Variants in GALNT17 observed in about 807,000 individuals in gnomAD.
GALNT17 encodes UDP-GalNAc:polypeptide N-acetylgalactosaminyltransferase-like 3.
A neutral mutation model predicts 63.7 loss-of-function variants in GALNT17; 29 were observed. That is an observed-to-expected ratio of 0.46 (90% confidence interval 0.34 to 0.62). GALNT17 has a LOEUF of 0.62. Among genes scored for constraint, GALNT17 ranks in the 20% least tolerant of loss-of-function variants. GALNT17 has a pLI of 0.01. For missense variants in GALNT17, 603 were observed against 799.6 expected (o/e 0.75, Z 2.97); for synonymous variants, 305 against 318.3 (o/e 0.96, Z 0.45).
At chr7:71,180,979 G>C (rs1328111870) in intron 1 of GALNT17, among the ~76,000 whole-genome samples, 1 of 152,206 alleles carries the variant, frequency 6.6e-6, no homozygotes, top group Admixed American at 6.5e-5. Context: ...GCCAGGCCAG[G>C]TGCGGTGGCT....
chr7:71,586,970 G>C (rs1044682413), intron 6 of GALNT17, among the ~76,000 whole-genome samples: 1 of 151,954 alleles, frequency 6.6e-6, no homozygotes, highest in East Asian at 1.9e-4. Context: ...CTATCCAACT[G>C]TATGTTTGTA....
At chr7:71,334,248 C>G (rs1025361262) in intron 1 of GALNT17, among the ~76,000 whole-genome samples, 2 of 152,180 alleles carry the variant, frequency 1.3e-5, no homozygotes, top group African/African-American at 4.8e-5. Flanking sequence ...AGCTTTGCCA[C>G]TAGGTGATGG....
At chr7:71,366,473 C>T (rs183804686) in intron 2 of GALNT17, among the ~76,000 whole-genome samples, 6 of 152,118 alleles carry the variant, frequency 3.9e-5, no homozygotes, top group East Asian at 1.9e-4. Context: ...CCCAGTTACT[C>T]GGGAGGCTGA....
At chr7:71,377,112 AAAATATATAT>A (rs1422532362) in intron 2 of GALNT17, among the ~76,000 whole-genome samples, 3 of 57,236 alleles carry the variant, frequency 5.2e-5, no homozygotes, top group South Asian at 4.3e-4. Context: ...AAAAATAAAA[AAAATATATAT>A]ATATATATAT....
At chr7:71,503,234 G>T (rs1203087895) in intron 5 of GALNT17, among the ~76,000 whole-genome samples, 3 of 152,090 alleles carry the variant, frequency 2.0e-5, no homozygotes, top group Non-Finnish European at 4.4e-5. Context: ...TTCTATGCAT[G>T]AGTCATAATT....
intron 2 of GALNT17, among the ~76,000 whole-genome samples, chr7:71,378,106 A>G (rs1040757706): frequency 6.6e-6 from 1 of 152,222 alleles, no homozygotes; most frequent in Non-Finnish European, 1.5e-5. Flanking sequence ...ACATTGCCCC[A>G]ATATGACTAA....
At chr7:71,390,377 T>C (rs892526116) in intron 3 of GALNT17, among the ~76,000 whole-genome samples, 2 of 152,204 alleles carry the variant, frequency 1.3e-5, no homozygotes, top group Non-Finnish European at 2.9e-5. Flanking sequence ...TGGGTGCACC[T>C]GGGCCCAGTG....
chr7:71,647,563 A>T (rs1223835316), intron 6 of GALNT17, among the ~76,000 whole-genome samples: 1 of 152,204 alleles, frequency 6.6e-6, no homozygotes, highest in Non-Finnish European at 1.5e-5. Flanking sequence ...GCTTTCAGGC[A>T]GAGGCCCCTC....
chr7:71,212,399 C>T (rs1300042450), intron 1 of GALNT17, among the ~76,000 whole-genome samples: 1 of 152,210 alleles, frequency 6.6e-6, no homozygotes, highest in African/African-American at 2.4e-5. Flanking sequence ...AAGTTTGCTG[C>T]AGGGGTGGGG....
At chr7:71,175,437 T>G (rs1443966228) in intron 1 of GALNT17, among the ~76,000 whole-genome samples, 2 of 152,258 alleles carry the variant, frequency 1.3e-5, no homozygotes, top group African/African-American at 4.8e-5. Flanking sequence ...ATCTTATCTA[T>G]CTATCATCTA....
intron 3 of GALNT17, among the ~76,000 whole-genome samples, chr7:71,390,444 A>G (rs1793029881): frequency 6.6e-6 from 1 of 152,060 alleles, no homozygotes; most frequent in Admixed American, 6.5e-5. Context: ...TGGATTTTTC[A>G]CATCCTTAGT....
At chr7:71,698,879 C>A (rs1791583607) in intron 9 of GALNT17, among the ~76,000 whole-genome samples, 1 of 152,024 alleles carries the variant, frequency 6.6e-6, no homozygotes, top group Non-Finnish European at 1.5e-5. Context: ...ACATAAAAAA[C>A]CTCAGGAGAG....
At chr7:71,641,268 T>C (rs1790599074) in intron 6 of GALNT17, among the ~76,000 whole-genome samples, 1 of 152,080 alleles carries the variant, frequency 6.6e-6, no homozygotes, top group Non-Finnish European at 1.5e-5. Context: ...GACCCACGTT[T>C]TGAATGAATT....
intron 2 of GALNT17, among the ~76,000 whole-genome samples, chr7:71,384,886 T>C (rs73360149): frequency 0.016 from 2,369 of 152,276 alleles, 66 homozygotes; most frequent in African/African-American, 0.054. Context: ...GAGCTCACCG[T>C]CCCCACCTTC....
intron 4 of GALNT17, 84 bp downstream of exon 4, chr7:71,416,147 A>C (rs1461346615): frequency 2.1e-6 from 3 of 1,454,444 alleles, no homozygotes; most frequent in Admixed American, 2.2e-5. Flanking sequence ...GGGACATTTC[A>C]CCTGTTACCT....
chr7:71,624,517 G>C (rs1264920723), intron 6 of GALNT17, among the ~76,000 whole-genome samples: 2 of 151,704 alleles, frequency 1.3e-5, no homozygotes, highest in South Asian at 4.1e-4. Flanking sequence ...AGAGAATGGA[G>C]AAAAATGATG....
intron 1 of GALNT17, among the ~76,000 whole-genome samples, chr7:71,198,113 G>A (rs767020516): frequency 1.4e-4 from 21 of 150,616 alleles, no homozygotes; most frequent in Admixed American, 4.7e-4. Flanking sequence ...CAGGAGAATC[G>A]CTTGAACCCA....
chr7:71,551,967 T>C (rs188972568), intron 5 of GALNT17, among the ~76,000 whole-genome samples: 1 of 152,168 alleles, frequency 6.6e-6, no homozygotes, highest in Non-Finnish European at 1.5e-5. Flanking sequence ...TGAAGTGAGC[T>C]TGCAGTTTGG....
At chr7:71,230,158 C>T (rs1789761069) in intron 1 of GALNT17, among the ~76,000 whole-genome samples, 1 of 151,850 alleles carries the variant, frequency 6.6e-6, no homozygotes. Context: ...CTGTGTGCCT[C>T]CCAACTCCCC....
Sources: allele counts gnomAD v4.1 joint callset (sites outside exome capture counted in the v4.1 genomes callset), GRCh38; gene constraint gnomAD v4.1.1; transcripts MANE v1.5; gene names NCBI Gene and HGNC (gene_info 2026-07-23, HGNC 2026-07-21).